The following MSH6 variants were observed in gnomAD, a reference collection of about 807,000 sequenced individuals.
MSH6 encodes mutS homolog 6.
A neutral mutation model predicts 119.1 loss-of-function variants in MSH6; 85 were observed. The ratio of observed to expected loss-of-function variants is 0.71; its 90% CI spans 0.60 to 0.85. The LOEUF is 0.85. MSH6 is among the 40% of genes least tolerant of loss of function. The pLI is 0.00. For missense variants in MSH6, 2,163 were observed against 1,655.3 expected (o/e 1.31, Z -5.32); for synonymous variants, 830 against 586.9 (o/e 1.41, Z -5.99).
intron 1 of MSH6, among the ~76,000 whole-genome samples, chr2:47,788,922 G>GTTTTTTTTGTTTTTGTTTTTTTTTT (rs1668541391): frequency 2.4e-5 from 1 of 40,954 alleles, no homozygotes; most frequent in African/African-American, 1.0e-4. Flanking sequence ...TTTTTTTTTT[G>GTTTTTTTTGTTTTTGTTTTTTTTTT]TTTTTTTTTT....
rs201080919 is a variant in MSH6, at chr2:47,806,363, G to C, written c.3801+5G>C. On this transcript the variant is annotated splice_donor_5th_base_variant and intron_variant, in intron 8 of 9. Transcript: ENST00000234420. The stretch of plus-strand genomic sequence containing the variant: ...GCTGTGCGCCTAGGACATATGGTAT[G>C]TGCAAATTGTTTTTTTCCACAAATT... 6.2e-7 allele frequency: 1 copy of C among 1,614,104 alleles called. No homozygotes were observed. The highest frequency in any genetic ancestry group is 1.1e-5 in the South Asian group (1 of 91,080).
chr2:47,784,260 C>T (rs1668209580), intron 1 of MSH6: 9 of 993,540 alleles, frequency 9.1e-6, no homozygotes, highest in Non-Finnish European at 8.4e-6. Context: ...GCACGTGCAC[C>T]GAGACGAAGA....
chr2:47,801,339 G>C, intron 4 of MSH6, 184 bp downstream of exon 4: 1 of 270,166 alleles, frequency 3.7e-6, no homozygotes, highest in Non-Finnish European at 6.7e-6. Context: ...TTTTATCTTA[G>C]TAGCCCTTTG....
At chr2:47,805,778 G>A (rs1039916072) in intron 7 of MSH6, 71 bp downstream of exon 7, 28 of 1,184,052 alleles carry the variant, frequency 2.4e-5, no homozygotes, top group Admixed American at 1.2e-4. Flanking sequence ...TATTTTTATA[G>A]AAGATTATCT....
rs587782084 is a variant in MSH6, at chr2:47,783,267, C to T, written c.34C>T (p.Pro12Ser). ...SRQSTLYSFF[P>S]KSPALSDANK... ...ACAGAGCACCCTGTACAGCTTCTTC[C>T]CCAAGTCTCCGGCGCTGAGTGATGC... The change falls in exon 1 of 10, where the codon CCC (proline) becomes TCC (serine). Residue 12 changes from proline (P) to serine (S), a missense_variant. Coordinates refer to ENST00000234420, the MANE Select transcript of MSH6 (RefSeq NM_000179.3). 6.2e-7 allele frequency: 1 copy of T among 1,612,234 alleles called. No individual in the cohort carries two copies. Among genetic ancestry groups the T allele is most frequent in the South Asian group, 1.1e-5 (1 of 90,990 alleles).
intron 2 of MSH6, among the ~76,000 whole-genome samples, chr2:47,792,811 GGT>G (rs1270525089): frequency 6.6e-6 from 1 of 150,714 alleles, no homozygotes; most frequent in African/African-American, 2.4e-5. Flanking sequence ...CGGGACTAGA[GGT>G]GTCTGCCACC....
At chr2:47,788,349 G>A (rs1668472575) in intron 1 of MSH6, among the ~76,000 whole-genome samples, 1 of 142,878 alleles carries the variant, frequency 7.0e-6, no homozygotes, top group African/African-American at 2.6e-5. Flanking sequence ...CTGCCTTCCA[G>A]GTTCAAATGA....
rs1558651940 is a variant in MSH6, at chr2:47,790,976, C to T, written c.310C>T (p.Pro104Ser). 3.1e-6 allele frequency: 5 copies of T among 1,614,144 alleles called. No individual in the cohort carries two copies. The highest frequency in any genetic ancestry group is 4.2e-6 in the Non-Finnish European group (5 of 1,180,038). ...DLVWAKMEGYPWWPCLVYNHP... is the reference protein window; with the variant it reads ...DLVWAKMEGYSWWPCLVYNHP... Reference sequence around the variant, plus strand: ...GGTTTGGGCCAAGATGGAGGGTTACCCCTGGTGGCCTTGTCTGGTTTACAA... The same window carrying T: ...GGTTTGGGCCAAGATGGAGGGTTACTCCTGGTGGCCTTGTCTGGTTTACAA... Residue 104 changes from proline (P) to serine (S), a missense_variant, in exon 2 of 10, where the codon CCC (proline) becomes TCC (serine). By Grantham distance (74) the Pro-to-Ser change is moderately conservative. Coordinates refer to ENST00000234420, the MANE Select transcript of MSH6 (RefSeq NM_000179.3).
intron 5 of MSH6, among the ~76,000 whole-genome samples, chr2:47,804,257 T>C (rs1341547838): frequency 6.6e-6 from 1 of 152,170 alleles, no homozygotes; most frequent in Non-Finnish European, 1.5e-5. Context: ...ACTACAGATG[T>C]ACACCATCAT....
intron 2 of MSH6, among the ~76,000 whole-genome samples, chr2:47,792,853 T>G (rs1056829411): frequency 2.2e-4 from 31 of 142,962 alleles, no homozygotes; most frequent in Non-Finnish European, 2.1e-4. Flanking sequence ...ATAGTTTTTT[T>G]TTTTTTTTTT....
In MSH6 at chr2:47,799,951, C is replaced by T. The variant is rs1553413333; in HGVS notation, c.1968C>T (p.Pro656=). The T allele has an allele frequency of 1.2e-6, 2 of 1,614,014 alleles. No homozygotes were observed. The highest frequency in any genetic ancestry group is 1.7e-6 in the Non-Finnish European group (2 of 1,180,006). The change falls in exon 4 of 10, where the codon CCC becomes CCT. Residue 656 remains proline, a synonymous_variant. Transcript: ENST00000234420. ...GTGATGGCATTGGGGTGATGTTACC[C>T]CAGGTGCTTAAAGGTATGACTTCAG... ...KLSDGIGVML[P]QVLKGMTSES... is the part of the protein sequence containing the mutation.
At chr2:47,805,148 A>C in intron 6 of MSH6, 121 bp downstream of exon 6, 2 of 762,598 alleles carry the variant, frequency 2.6e-6, no homozygotes, top group South Asian at 3.0e-5. Flanking sequence ...TTACTTTAAA[A>C]ACATCACTTT....
chr2:47,791,764 C>T lies in MSH6; in HGVS notation c.457+641C>T, dbSNP rs946893990. Among the ~76,000 whole-genome samples the T allele has an allele frequency of 9.9e-5, 15 of 151,346 alleles. No homozygotes were observed. The East Asian group carries it at 1.2e-3, about 12-fold the overall frequency. ...CGCAATCTCGGCCCACTGCAACCTC[C>T]GTCTCCTGGGTTCAAGAGTTTCCTA... On this transcript the variant is annotated intron_variant, in intron 2 of 9. Transcript: ENST00000234420.
intron 2 of MSH6, among the ~76,000 whole-genome samples, chr2:47,793,606 CAAAA>C (rs1311390883): frequency 6.7e-6 from 1 of 149,398 alleles, no homozygotes; most frequent in Admixed American, 6.7e-5. Context: ...GACTTCATCT[CAAAA>C]ATAAATAAAT....
chr2:47,784,882 A>C (rs1242617921), intron 1 of MSH6: 1 of 152,136 alleles, frequency 6.6e-6, no homozygotes, highest in Non-Finnish European at 1.5e-5. Context: ...GCTAGAGTGC[A>C]GTGGCGCGTT....
rs1670114718 is a variant in MSH6 at position 47,806,539 on chromosome 2, A to T, written c.3889A>T (p.Ser1297Cys). The change falls in exon 9 of 10, where the codon AGC (serine) becomes TGC (cysteine). Residue 1297 changes from serine to cysteine, a missense_variant. Transcript: ENST00000234420. Reference protein sequence around the residue: ...YKFIKGACPKSYGFNAARLAN... With the variant: ...YKFIKGACPKCYGFNAARLAN... ...ATTCATTAAGGGAGCTTGTCCTAAA[A>T]GCTATGGCTTTAATGCAGCAAGGCT... 1 of 1,613,986 alleles carries T rather than the reference A, an allele frequency of 6.2e-7. No homozygotes were observed. Among genetic ancestry groups the T allele is most frequent in the Non-Finnish European group, 8.5e-7 (1 of 1,179,934 alleles).
intron 1 of MSH6, among the ~76,000 whole-genome samples, chr2:47,788,922 G>GTTTTTTTTGTTTTTTTTGTTTTTT (rs1668541391): frequency 7.3e-5 from 3 of 40,934 alleles, no homozygotes; most frequent in African/African-American, 3.0e-4. Context: ...TTTTTTTTTT[G>GTTTTTTTTGTTTTTTTTGTTTTTT]TTTTTTTTTT....
intron 6 of MSH6, 69 bp from the exon 7 acceptor site, chr2:47,805,540 GCTATATAAC>G: frequency 2.1e-6 from 2 of 944,236 alleles, no homozygotes; most frequent in East Asian, 4.8e-5. Context: ...GCTCATGATA[GCTATATAAC>G]CTAGAAGATG....
At chr2:47,788,906 C>CTT (rs1491155839) in intron 1 of MSH6, among the ~76,000 whole-genome samples, 450 of 15,752 alleles carry the variant, frequency 0.029, 15 homozygotes, top group African/African-American at 0.053. Context: ...CTTTCTTCTT[C>CTT]CTTTTTTTTT....
Sources: gnomAD v4.1 joint callset for allele counts (sites outside exome capture counted in the v4.1 genomes callset) on GRCh38, gnomAD v4.1.1 for gene constraint, MANE v1.5 for transcripts, NCBI Gene and HGNC (gene_info 2026-07-23, HGNC 2026-07-21) for gene names.